IL23R: variants seen among roughly 807,000 people sequenced by gnomAD.
IL23R encodes interleukin-23 receptor.
Under a neutral mutation model 56.9 loss-of-function variants are expected in IL23R, and 34 were observed. The observed-to-expected ratio is 0.60, with a 90% CI of 0.45 to 0.80. The LOEUF (loss-of-function observed/expected upper bound fraction) is 0.80, where lower values mean the gene tolerates loss of function less well. IL23R is among the 30% of genes least tolerant of loss of function. IL23R has a pLI of 0.00. For missense variants in IL23R, 635 were observed against 730.0 expected, an observed-to-expected ratio of 0.87 and a Z score of 1.50; for synonymous variants, 230 against 249.2, an observed-to-expected ratio of 0.92 and a Z score of 0.73.
chr1:67,252,203 T>C (rs1652669128), intron 9 of IL23R, among the ~76,000 whole-genome samples: 1 of 152,226 alleles, frequency 6.6e-6, no homozygotes, highest in Non-Finnish European at 1.5e-5. Flanking sequence ...GGCTTTGCTT[T>C]CAGGTTCCCT....
At chr1:67,253,380 T>A (rs1313130426) in intron 9 of IL23R, among the ~76,000 whole-genome samples, 1 of 152,224 alleles carries the variant, frequency 6.6e-6, no homozygotes. Context: ...AGATTAGAGT[T>A]GTTTGGTGTG....
At chr1:67,242,589 C>A (rs1226220587) in intron 9 of IL23R, among the ~76,000 whole-genome samples, 1 of 152,108 alleles carries the variant, frequency 6.6e-6, no homozygotes, top group Non-Finnish European at 1.5e-5. Flanking sequence ...AGGGACCCTC[C>A]TCAGTTGTGA....
intron 3 of IL23R, among the ~76,000 whole-genome samples, chr1:67,173,791 T>C (rs980300344): frequency 6.6e-6 from 1 of 152,196 alleles, no homozygotes; most frequent in African/African-American, 2.4e-5. Flanking sequence ...ATCATTCCCA[T>C]AAAACCATAA....
downstream of IL23R, among the ~76,000 whole-genome samples, chr1:67,262,363 A>C (rs1221177619): frequency 1.3e-5 from 2 of 152,184 alleles, no homozygotes; most frequent in Middle Eastern, 3.4e-3. Flanking sequence ...ATAAAGGAAA[A>C]TGTCAGATAA....
chr1:67,237,311 G>A (rs1277905608), intron 8 of IL23R, among the ~76,000 whole-genome samples: 1 of 152,192 alleles, frequency 6.6e-6, no homozygotes, highest in Non-Finnish European at 1.5e-5. Flanking sequence ...AAAGTGCTGG[G>A]ATTACAGGTG....
intron 5 of IL23R, among the ~76,000 whole-genome samples, chr1:67,205,937 C>CCTTTCTTTT (rs1649014151): frequency 2.4e-5 from 3 of 122,910 alleles, no homozygotes; most frequent in African/African-American, 8.3e-5. Flanking sequence ...TTCTTTCTTT[C>CCTTTCTTTT]TTTCTCTTTT....
chr1:67,207,618 C>T, intron 6 of IL23R: 1 of 394,038 alleles, frequency 2.5e-6, no homozygotes, highest in South Asian at 2.0e-5. Context: ...GCTTCTTCCT[C>T]ATTTTCTCTT....
chr1:67,141,688 G>T (rs968393947), intron 1 of IL23R, among the ~76,000 whole-genome samples: 5 of 152,034 alleles, frequency 3.3e-5, no homozygotes, highest in Non-Finnish European at 7.3e-5. Context: ...AGCCCTGGAG[G>T]TTGAGGCTGC....
At chr1:67,202,637 A>T (rs570608789) in intron 5 of IL23R, among the ~76,000 whole-genome samples, 5 of 152,312 alleles carry the variant, frequency 3.3e-5, no homozygotes, top group African/African-American at 1.2e-4. Flanking sequence ...GCATTAAAAA[A>T]TTTGAGATCA....
intron 1 of IL23R, among the ~76,000 whole-genome samples, chr1:67,149,332 A>C (rs1341951979): frequency 2.6e-5 from 4 of 152,158 alleles, no homozygotes; most frequent in African/African-American, 7.2e-5. Flanking sequence ...ATTTGCAGTG[A>C]GAAAGAAGTC....
At chr1:67,237,539 G>C (rs1651564620) in intron 8 of IL23R, among the ~76,000 whole-genome samples, 1 of 152,178 alleles carries the variant, frequency 6.6e-6, no homozygotes, top group South Asian at 2.1e-4. Flanking sequence ...CAAGGTCATA[G>C]AGCTGCTAAG....
At chr1:67,233,947 G>A (rs1416485944) in intron 7 of IL23R, among the ~76,000 whole-genome samples, 7 of 151,234 alleles carry the variant, frequency 4.6e-5, no homozygotes, top group Admixed American at 1.3e-4. Context: ...GTGTGTGTGT[G>A]TGTGTGTGTG....
In IL23R at chr1:67,152,662, T is replaced by A. The variant is rs193227862; in HGVS notation, c.-634+13501T>A. Among the ~76,000 whole-genome samples, 4 of 152,334 alleles carry A rather than the reference T, an allele frequency of 2.6e-5. No individual in the cohort carries two copies. The East Asian group carries it at 7.7e-4, about 29-fold the overall frequency. ...ATTGAGAGTTTTTAACATGAAGGGATGTTGAATTTTATCAAAGGCCTTTTC... is the reference window on the plus strand; with the variant it reads ...ATTGAGAGTTTTTAACATGAAGGGAAGTTGAATTTTATCAAAGGCCTTTTC... On this transcript the variant is annotated intron_variant, in intron 1 of 10. Coordinates refer to the IL23R transcript ENST00000637002.
chr1:67,252,312 A>G (rs538493484), intron 9 of IL23R, among the ~76,000 whole-genome samples: 3 of 152,288 alleles, frequency 2.0e-5, no homozygotes, highest in Admixed American at 6.5e-5. Context: ...CAAATGCCAA[A>G]TTTTACAACC....
upstream of IL23R, chr1:67,166,436 A>G (rs1406396191): frequency 6.6e-6 from 1 of 152,380 alleles, no homozygotes; most frequent in Non-Finnish European, 1.5e-5. Context: ...TGAAAATCTA[A>G]AGTGAGTGCT....
intron 9 of IL23R, among the ~76,000 whole-genome samples, chr1:67,245,860 G>A (rs113909827): frequency 0.084 from 12,759 of 152,060 alleles, 643 homozygotes; most frequent in Non-Finnish European, 0.11. Context: ...TTTTTCTACT[G>A]TTTGGAACAG....
chr1:67,264,380 G>A (rs142890631), downstream of IL23R, among the ~76,000 whole-genome samples: 1,176 of 152,202 alleles, frequency 7.7e-3, 16 homozygotes, highest in African/African-American at 0.027. Flanking sequence ...TTATGCTGTG[G>A]TTTATCTCTT....
chr1:67,147,023 G>A (rs1646685617), intron 1 of IL23R, among the ~76,000 whole-genome samples: 1 of 152,072 alleles, frequency 6.6e-6, no homozygotes, highest in Non-Finnish European at 1.5e-5. Context: ...GTGAGTACAG[G>A]CCCCAAGACA....
At chr1:67,250,949 C>G (rs891807503) in intron 9 of IL23R, among the ~76,000 whole-genome samples, 3 of 152,144 alleles carry the variant, frequency 2.0e-5, no homozygotes, top group Admixed American at 2.0e-4. Context: ...GCTTTTAATT[C>G]TTGAGGTTCC....
Sources: allele counts gnomAD v4.1 joint callset (sites outside exome capture counted in the v4.1 genomes callset), GRCh38; gene constraint gnomAD v4.1.1; transcripts MANE v1.5; gene names NCBI Gene and HGNC (gene_info 2026-07-23, HGNC 2026-07-21).